The following HEATR5B variants were observed in gnomAD, a reference collection of about 807,000 sequenced individuals.
HEATR5B encodes the protein HEAT repeat containing 5B.
HEATR5B carries 156 observed loss-of-function variants against 224.1 expected under a neutral mutation model. That is an observed-to-expected ratio of 0.70 (90% CI 0.61 to 0.80). The LOEUF is 0.80. Ranked by LOEUF, HEATR5B falls within the 30% of genes least tolerant of loss-of-function variation. The pLI is 0.00. For synonymous variants in HEATR5B, 1,027 were observed against 893.0 expected (o/e 1.15, Z -2.68); for missense variants, 2,323 against 2,535.5 (o/e 0.92, Z 1.80).
intron 28 of HEATR5B, 33 bp from the exon 29 acceptor site, chr2:37,007,337 C>CTG (rs1667490271): frequency 2.2e-6 from 2 of 909,288 alleles, no homozygotes; most frequent in South Asian, 2.6e-5. Flanking sequence ...AAAAACATTA[C>CTG]TTTTTTTTTT....
chr2:37,030,445 T>C (rs1297852861), intron 22 of HEATR5B, among the ~76,000 whole-genome samples: 1 of 152,170 alleles, frequency 6.6e-6, no homozygotes, highest in Admixed American at 6.5e-5. Context: ...TAAGGGAAAA[T>C]TAATTGATTA....
intron 18 of HEATR5B, 32 bp from the exon 19 acceptor site, chr2:37,041,324 T>G (rs746145008): frequency 2.5e-6 from 4 of 1,607,256 alleles, no homozygotes; most frequent in Middle Eastern, 1.7e-4. Flanking sequence ...AAGCACTAAC[T>G]TTGCTATTTC....
At chr2:37,059,928 G>C (rs1010506932) in intron 12 of HEATR5B, among the ~76,000 whole-genome samples, 1 of 152,064 alleles carries the variant, frequency 6.6e-6, no homozygotes, top group Non-Finnish European at 1.5e-5. Flanking sequence ...CCCCTTGCCT[G>C]GCTGCCCTTG....
At chr2:37,037,830 A>AGCC in intron 21 of HEATR5B, 25 bp downstream of exon 21, 1 of 1,432,682 alleles carries the variant, frequency 7.0e-7, no homozygotes, top group Admixed American at 2.5e-5. Flanking sequence ...TTAAAAATCA[A>AGCC]TGAATGAAAT....
chr2:36,993,081 C>G (rs1666444027), intron 33 of HEATR5B, among the ~76,000 whole-genome samples: 1 of 152,046 alleles, frequency 6.6e-6, no homozygotes, highest in Non-Finnish European at 1.5e-5. Flanking sequence ...TATGATTTTT[C>G]TACTGAAAGG....
intron 15 of HEATR5B, 36 bp from the exon 16 acceptor site, chr2:37,056,651 A>C: frequency 6.5e-7 from 1 of 1,534,054 alleles, no homozygotes; most frequent in Non-Finnish European, 8.8e-7. Context: ...TTCAAAATCT[A>C]CTTTAGGAAA....
intron 33 of HEATR5B, among the ~76,000 whole-genome samples, chr2:36,998,828 A>AT (rs1666895353): frequency 6.6e-6 from 1 of 152,018 alleles, no homozygotes; most frequent in African/African-American, 2.4e-5. Flanking sequence ...CTTACTCTCT[A>AT]TATAACACAT....
intron 26 of HEATR5B, among the ~76,000 whole-genome samples, chr2:37,017,476 T>G (rs1462701594): frequency 1.3e-5 from 2 of 150,568 alleles, no homozygotes; most frequent in African/African-American, 4.9e-5. Context: ...CCTGAGGCCA[T>G]GAGCTCGAGA....
chr2:36,986,548 A>T (rs1182507313), intron 35 of HEATR5B, among the ~76,000 whole-genome samples: 1 of 152,146 alleles, frequency 6.6e-6, no homozygotes, highest in Non-Finnish European at 1.5e-5. Context: ...AGAGGAAAAA[A>T]TTTTTAACAG....
rs759959227 is a variant in HEATR5B at position 37,013,807 on chromosome 2, G to T, written c.4284+34C>A. On this transcript the variant is annotated intron_variant, in intron 27 of 35. Transcript: ENST00000233099. ...ACATTTTCTCATGGATGAAGAAATGGGTCAAAAACAATAGATTGTGGTTTA... is the reference window on the plus strand; with the variant it reads ...ACATTTTCTCATGGATGAAGAAATGTGTCAAAAACAATAGATTGTGGTTTA... 11 of 1,481,342 alleles carry T rather than the reference G, an allele frequency of 7.4e-6. No homozygotes were observed. The Admixed American group carries it at 2.3e-4, about 31-fold the overall frequency. 91.8% of individuals were successfully genotyped at this position (1,481,342 alleles called of 1,614,324 possible). A position where few individuals can be genotyped will look rare whatever the true frequency, so the allele number is the denominator to read the frequency against.
intron 18 of HEATR5B, among the ~76,000 whole-genome samples, chr2:37,044,810 ACT>A (rs1359237533): frequency 3.9e-5 from 6 of 152,186 alleles, no homozygotes; most frequent in Non-Finnish European, 7.4e-5. Flanking sequence ...CCCAGAAGTC[ACT>A]GAGACTCTGT....
chr2:37,031,430 C>CTTTTTTTTTTTTTTTTTAT (rs1558755776), intron 22 of HEATR5B, among the ~76,000 whole-genome samples: 1 of 133,172 alleles, frequency 7.5e-6, no homozygotes, highest in Non-Finnish European at 1.7e-5. Flanking sequence ...TTTTTCTTTT[C>CTTTTTTTTTTTTTTTTTAT]TTTCTTTTTT....
intron 3 of HEATR5B, among the ~76,000 whole-genome samples, chr2:37,077,310 C>T (rs1021757799): frequency 2.7e-5 from 4 of 145,498 alleles, no homozygotes; most frequent in Admixed American, 1.4e-4. Flanking sequence ...CCAAGCTTTT[C>T]TTTTTTTTTT....
chr2:37,071,717 C>T (rs946087736), intron 6 of HEATR5B, among the ~76,000 whole-genome samples: 1 of 149,622 alleles, frequency 6.7e-6, no homozygotes, highest in African/African-American at 2.5e-5. Flanking sequence ...TGGAGTCTTG[C>T]TCTGTCGCCC....
intron 17 of HEATR5B, among the ~76,000 whole-genome samples, chr2:37,051,186 T>A (rs1370003621): frequency 6.6e-6 from 1 of 151,864 alleles, no homozygotes; most frequent in Non-Finnish European, 1.5e-5. Context: ...TGAAACCCCG[T>A]CTCTGCTAAA....
chr2:37,029,588 CAA>C (rs1572843447), intron 22 of HEATR5B, among the ~76,000 whole-genome samples: 2 of 151,872 alleles, frequency 1.3e-5, no homozygotes, highest in African/African-American at 4.8e-5. Flanking sequence ...CACCTGAACC[CAA>C]GAGGCGGATG....
Position 37,060,722 on chromosome 2 carries a change from C to A in HEATR5B, c.1708G>T (p.Val570Phe). ...GALMTLGPSV[V>F]RYHLPKMLLL... ...AACATCTTGGGCAGATGGTAACGAA[C>A]GACAGATGGTCCTAGCCAAGAAAAT... The change falls in exon 12 of 36, where the codon GTT (valine) becomes TTT (phenylalanine). Residue 570 changes from valine to phenylalanine, a missense_variant. Val to Phe is a conservative substitution (Grantham distance 50). Coordinates refer to ENST00000233099, the MANE Select transcript of HEATR5B (RefSeq NM_019024.3). The A allele has an allele frequency of 6.2e-7, 1 of 1,612,918 alleles. No homozygotes were observed. The highest frequency in any genetic ancestry group is 8.5e-7 in the Non-Finnish European group (1 of 1,179,372).
intron 22 of HEATR5B, among the ~76,000 whole-genome samples, chr2:37,029,757 G>T (rs1388668497): frequency 1.3e-5 from 2 of 151,880 alleles, no homozygotes; most frequent in Non-Finnish European, 2.9e-5. Flanking sequence ...TGGCCAAGAT[G>T]GTGAAATCCT....
chr2:37,003,448 T>C (rs1006530610), intron 31 of HEATR5B, 94 bp downstream of exon 31: 5 of 918,886 alleles, frequency 5.4e-6, no homozygotes, highest in Non-Finnish European at 8.0e-6. Flanking sequence ...AAAAATAAAA[T>C]AAGAACTATA....
Sources: allele counts gnomAD v4.1 joint callset (sites outside exome capture counted in the v4.1 genomes callset), GRCh38; gene constraint gnomAD v4.1.1; transcripts MANE v1.5; gene names NCBI Gene and HGNC (gene_info 2026-07-23, HGNC 2026-07-21).